Variants in MAP3K5 observed in about 807,000 individuals in gnomAD.
MAP3K5 encodes mitogen-activated protein kinase kinase kinase 5.
A neutral mutation model predicts 158.7 loss-of-function variants in MAP3K5; 56 were observed. The observed-to-expected ratio is 0.35, with a 90% CI of 0.28 to 0.44. MAP3K5 has a LOEUF of 0.44. Among genes scored for constraint, MAP3K5 ranks in the 20% least tolerant of loss-of-function variants. The pLI is 1.00. For synonymous variants in MAP3K5, 579 were observed against 601.7 expected, an observed-to-expected ratio of 0.96 and a Z score of 0.55; for missense variants, 1,294 against 1,674.8, an observed-to-expected ratio of 0.77 and a Z score of 3.97.
chr6:136,639,578 G>T lies in MAP3K5; in HGVS notation c.1899C>A (p.Phe633Leu). The change falls in exon 13 of 30, where the codon TTC (phenylalanine) becomes TTA (leucine). Residue 633 changes from phenylalanine (F) to leucine (L), a missense_variant. By Grantham distance (22) the Phe-to-Leu change is conservative. Coordinates refer to ENST00000359015, the MANE Select transcript of MAP3K5 (RefSeq NM_005923.4). ...GAAGTTCTGTACAGAAATAGATTTG[G>T]AAATCATCAGAATTGTGAAGCACAT... ...FLYVLHNSDD[F>L]QIYFCTELHC... 1 of 1,598,340 alleles carries T rather than the reference G, an allele frequency of 6.3e-7. No individual in the cohort carries two copies.
intron 1 of MAP3K5, among the ~76,000 whole-genome samples, chr6:136,720,979 A>G (rs1781723884): frequency 6.6e-6 from 1 of 152,088 alleles, no homozygotes; most frequent in South Asian, 2.1e-4. Flanking sequence ...GGGTCTTCCT[A>G]TGTTTCCCAG....
chr6:136,790,896 A>T (rs1340953264), intron 1 of MAP3K5, among the ~76,000 whole-genome samples: 1 of 152,190 alleles, frequency 6.6e-6, no homozygotes, highest in Non-Finnish European at 1.5e-5. Context: ...CATTTTCTGA[A>T]ATTTGAGATA....
At chr6:136,781,825 T>C (rs770317687) in intron 1 of MAP3K5, among the ~76,000 whole-genome samples, 2 of 152,188 alleles carry the variant, frequency 1.3e-5, no homozygotes, top group African/African-American at 2.4e-5. Context: ...CGGTGGCCCC[T>C]GGACAGCAGA....
chr6:136,604,786 T>C (rs780000621), intron 19 of MAP3K5, among the ~76,000 whole-genome samples: 1 of 151,956 alleles, frequency 6.6e-6, no homozygotes, highest in Non-Finnish European at 1.5e-5. Flanking sequence ...TTAAAAAAAA[T>C]GAAGCCTTCA....
chr6:136,733,816 A>G (rs368375746), intron 1 of MAP3K5, among the ~76,000 whole-genome samples: 2 of 151,384 alleles, frequency 1.3e-5, no homozygotes, highest in African/African-American at 4.9e-5. Flanking sequence ...CACAAAGTCC[A>G]TAGTTTACAT....
At chr6:136,673,793 T>C (rs1779587229) in intron 7 of MAP3K5, among the ~76,000 whole-genome samples, 1 of 149,910 alleles carries the variant, frequency 6.7e-6, no homozygotes, top group Admixed American at 6.6e-5. Flanking sequence ...GTCTAACCTA[T>C]GTATTACTGT....
chr6:136,712,082 T>C (rs1387494233), intron 2 of MAP3K5, among the ~76,000 whole-genome samples: 3 of 152,184 alleles, frequency 2.0e-5, no homozygotes, highest in Non-Finnish European at 2.9e-5. Flanking sequence ...TAAGTATATC[T>C]TGGTGGAAGA....
rs1200976342 is a variant in MAP3K5 at position 136,706,043 on chromosome 6, A to G, written c.589-910T>C. 2.6e-5 allele frequency among the ~76,000 whole-genome samples: 4 copies of G among 152,172 alleles called. No homozygotes were observed. The East Asian group carries it at 7.7e-4, about 29-fold the overall frequency. On this transcript the variant is annotated intron_variant, in intron 2 of 29. Coordinates refer to ENST00000359015, the MANE Select transcript of MAP3K5 (RefSeq NM_005923.4). ...GAGGTGGAGGCAGGTGGATCACCTGAGGTCATGAGCTCGAGACCAGCCTGG... is the reference window on the plus strand; with the variant it reads ...GAGGTGGAGGCAGGTGGATCACCTGGGGTCATGAGCTCGAGACCAGCCTGG...
chr6:136,699,409 A>C (rs1260153256), intron 3 of MAP3K5, among the ~76,000 whole-genome samples: 1 of 152,202 alleles, frequency 6.6e-6, no homozygotes, highest in Non-Finnish European at 1.5e-5. Context: ...CATCAGAGTG[A>C]TCTTTCAACA....
intron 1 of MAP3K5, among the ~76,000 whole-genome samples, chr6:136,747,717 G>C (rs1783022361): frequency 6.6e-6 from 1 of 152,210 alleles, no homozygotes; most frequent in Non-Finnish European, 1.5e-5. Flanking sequence ...TCAAAAAAGA[G>C]ATTCTGATTG....
intron 18 of MAP3K5, among the ~76,000 whole-genome samples, chr6:136,608,494 C>T (rs932927227): frequency 2.0e-5 from 3 of 152,082 alleles, no homozygotes; most frequent in Non-Finnish European, 2.9e-5. Context: ...GCTTCGTGGA[C>T]GGACTGGGTT....
intron 10 of MAP3K5, among the ~76,000 whole-genome samples, chr6:136,654,549 C>T (rs975385858): frequency 6.6e-5 from 10 of 152,088 alleles, no homozygotes; most frequent in Non-Finnish European, 1.3e-4. Context: ...CAGGTTCAAG[C>T]GATTCTCCTG....
chr6:136,664,180 T>TTCTCATAGGATCTAATAGGA (rs1779129090), intron 8 of MAP3K5, among the ~76,000 whole-genome samples: 1 of 152,106 alleles, frequency 6.6e-6, no homozygotes, highest in Admixed American at 6.6e-5. Flanking sequence ...CAGCATTAGA[T>TTCTCATAGGATCTAATAGGA]TCTCATAGGA....
intron 8 of MAP3K5, among the ~76,000 whole-genome samples, chr6:136,668,413 A>G (rs1411762122): frequency 6.6e-6 from 1 of 152,182 alleles, no homozygotes; most frequent in East Asian, 1.9e-4. Flanking sequence ...TTTTGAAGAA[A>G]AAGTTTCTTC....
intron 1 of MAP3K5, among the ~76,000 whole-genome samples, chr6:136,765,254 G>T (rs940675097): frequency 2.0e-5 from 3 of 152,068 alleles, no homozygotes; most frequent in African/African-American, 7.2e-5. Flanking sequence ...TTACGTGCAT[G>T]ATCTCATTTA....
chr6:136,585,295 T>C (rs1775074903), intron 23 of MAP3K5, among the ~76,000 whole-genome samples: 1 of 150,906 alleles, frequency 6.6e-6, no homozygotes, highest in East Asian at 2.0e-4. Flanking sequence ...TTTTAAAACT[T>C]TTTGTAGAGA....
intron 21 of MAP3K5, among the ~76,000 whole-genome samples, chr6:136,595,738 TG>T (rs1318391403): frequency 2.0e-5 from 3 of 151,852 alleles, no homozygotes; most frequent in African/African-American, 7.3e-5. Context: ...ATTGGGCGGC[TG>T]GGCGCGGTGG....
At chr6:136,771,924 T>A (rs902014268) in intron 1 of MAP3K5, among the ~76,000 whole-genome samples, 7 of 139,654 alleles carry the variant, frequency 5.0e-5, no homozygotes, top group African/African-American at 1.4e-4. Context: ...CTTTTTATTT[T>A]TTTTTTATTT....
intron 11 of MAP3K5, among the ~76,000 whole-genome samples, chr6:136,648,619 G>A (rs150460789): frequency 2.0e-4 from 30 of 152,244 alleles, no homozygotes; most frequent in African/African-American, 6.0e-4. Flanking sequence ...TCTAAACATA[G>A]AACAAATTAA....
Sources: gnomAD v4.1 joint callset for allele counts (sites outside exome capture counted in the v4.1 genomes callset) on GRCh38, gnomAD v4.1.1 for gene constraint, MANE v1.5 for transcripts, NCBI Gene and HGNC (gene_info 2026-07-23, HGNC 2026-07-21) for gene names.